GRIN2A: variants seen among roughly 807,000 people sequenced by gnomAD.
GRIN2A encodes glutamate receptor ionotropic, NMDA 2A.
GRIN2A carries 22 observed loss-of-function variants against 113.4 expected under a neutral mutation model. The ratio of observed to expected loss-of-function variants is 0.19; its 90% CI spans 0.14 to 0.28. GRIN2A has a LOEUF of 0.28. Ranked by LOEUF, GRIN2A falls within the 10% of genes least tolerant of loss-of-function variation. The pLI is 1.00. For synonymous variants in GRIN2A, 827 were observed against 738.4 expected (o/e 1.12, Z -1.94); for missense variants, 1,502 against 1,887.0 (o/e 0.80, Z 3.78).
At chr16:10,100,570 G>C (rs2048374605) in intron 2 of GRIN2A, among the ~76,000 whole-genome samples, 1 of 152,184 alleles carries the variant, frequency 6.6e-6, no homozygotes, top group Non-Finnish European at 1.5e-5. Flanking sequence ...ACATCCTGAT[G>C]ATTCAATAAA....
chr16:9,816,828 C>T (rs1344652862), intron 10 of GRIN2A, among the ~76,000 whole-genome samples: 3 of 152,158 alleles, frequency 2.0e-5, no homozygotes, highest in Non-Finnish European at 2.9e-5. Flanking sequence ...CAGTGGGGCT[C>T]AGCAATCTAC....
At chr16:9,858,375 T>C (rs996100198) in intron 4 of GRIN2A, among the ~76,000 whole-genome samples, 5 of 152,070 alleles carry the variant, frequency 3.3e-5, no homozygotes, top group African/African-American at 1.2e-4. Flanking sequence ...AGGGAAATAC[T>C]TTTTTATCTC....
intron 2 of GRIN2A, among the ~76,000 whole-genome samples, chr16:10,039,813 A>AGAGAGAGAGAGAGAGAGAGAGAGAG (rs1555469303): frequency 3.8e-4 from 28 of 73,576 alleles, no homozygotes; most frequent in Non-Finnish European, 6.1e-4. Context: ...GGGGGGGAGA[A>AGAGAGAGAGAGAGAGAGAGAGAGAG]AGAGAGAGAG....
At chr16:10,164,288 G>A (rs893334057) in intron 2 of GRIN2A, among the ~76,000 whole-genome samples, 10 of 152,252 alleles carry the variant, frequency 6.6e-5, no homozygotes, top group Admixed American at 6.5e-4. Flanking sequence ...TCTGTAAGTG[G>A]CACGGACACT....
At chr16:10,076,640 G>A (rs13331168) in intron 2 of GRIN2A, among the ~76,000 whole-genome samples, 2 of 152,022 alleles carry the variant, frequency 1.3e-5, no homozygotes, top group Admixed American at 6.5e-5. Context: ...ACACAAGGAG[G>A]AAAAGACCCA....
intron 2 of GRIN2A, among the ~76,000 whole-genome samples, chr16:10,017,794 T>G (rs2046638621): frequency 6.6e-6 from 1 of 151,446 alleles, no homozygotes; most frequent in African/African-American, 2.4e-5. Flanking sequence ...TAATATGATA[T>G]TTTTACAAAT....
At chr16:9,972,012 G>A (rs1306132022) in intron 2 of GRIN2A, among the ~76,000 whole-genome samples, 4 of 152,010 alleles carry the variant, frequency 2.6e-5, no homozygotes. Flanking sequence ...GGCCTGAGGA[G>A]GTGGAAGTTA....
chr16:9,764,526 C>A lies in GRIN2A; in HGVS notation c.3018G>T (p.Ala1006=). Residue 1006 remains alanine (A), a synonymous_variant, in exon 13 of 13, where the codon GCG becomes GCT. Transcript: ENST00000330684. ...VEVAVSTESK[A]NSRPRQLWKK... is the part of the protein sequence containing the mutation. ...TCCACAGCTGCCGGGGTCTAGAGTT[C>A]GCTTTGGATTCTGTGCTCACGGCCA... The A allele has an allele frequency of 6.2e-7, 1 of 1,613,966 alleles. No homozygotes were observed. Among genetic ancestry groups the A allele is most frequent in the Non-Finnish European group, 8.5e-7 (1 of 1,179,986 alleles).
intron 3 of GRIN2A, among the ~76,000 whole-genome samples, chr16:9,898,513 C>T (rs34764457): frequency 0.29 from 44,690 of 152,038 alleles, 7,727 homozygotes; most frequent in African/African-American, 0.48. Context: ...ATTTATTATT[C>T]ACTATTTCCC....
At chr16:10,007,981 C>G (rs778748007) in intron 2 of GRIN2A, among the ~76,000 whole-genome samples, 1 of 152,132 alleles carries the variant, frequency 6.6e-6, no homozygotes, top group South Asian at 2.1e-4. Flanking sequence ...CTATAAGATA[C>G]AAGTAGTATT....
At chr16:9,888,204 G>A (rs916554807) in intron 4 of GRIN2A, among the ~76,000 whole-genome samples, 1 of 152,146 alleles carries the variant, frequency 6.6e-6, no homozygotes, top group Non-Finnish European at 1.5e-5. Context: ...GCCTCCCAAA[G>A]TGTTGGAATT....
chr16:10,164,651 T>A (rs943267578), intron 2 of GRIN2A, among the ~76,000 whole-genome samples: 1 of 152,226 alleles, frequency 6.6e-6, no homozygotes, highest in African/African-American at 2.4e-5. Context: ...TGAATAATCA[T>A]AGAACTCCCC....
intron 2 of GRIN2A, among the ~76,000 whole-genome samples, chr16:10,045,121 T>C (rs1470154967): frequency 6.6e-6 from 1 of 152,182 alleles, no homozygotes; most frequent in Non-Finnish European, 1.5e-5. Flanking sequence ...TTCTTCAAGT[T>C]GGTGACAGTT....
At chr16:9,977,908 AG>A (rs2045807859) in intron 2 of GRIN2A, among the ~76,000 whole-genome samples, 1 of 152,238 alleles carries the variant, frequency 6.6e-6, no homozygotes, top group South Asian at 2.1e-4. Flanking sequence ...CTTTTTAATT[AG>A]GTCAACCCTG....
chr16:9,781,455 G>T (rs1901931589), intron 11 of GRIN2A, among the ~76,000 whole-genome samples: 3 of 152,080 alleles, frequency 2.0e-5, no homozygotes, highest in Admixed American at 1.3e-4. Context: ...CAACCTCCCA[G>T]GCTCAAGTGA....
chr16:10,001,736 T>C (rs1050946855), intron 2 of GRIN2A, among the ~76,000 whole-genome samples: 3 of 152,174 alleles, frequency 2.0e-5, no homozygotes, highest in Non-Finnish European at 4.4e-5. Flanking sequence ...CTGAGTCACA[T>C]GGCCTGCTTT....
intron 3 of GRIN2A, among the ~76,000 whole-genome samples, chr16:9,891,826 G>C (rs1304702904): frequency 1.3e-5 from 2 of 152,220 alleles, no homozygotes; most frequent in African/African-American, 2.4e-5. Context: ...GCAGACCAGA[G>C]AGGCTGAAGC....
chr16:9,848,059 T>TATATATTTTATATATAAAC (rs2042808229), intron 5 of GRIN2A, among the ~76,000 whole-genome samples: 1 of 146,988 alleles, frequency 6.8e-6, no homozygotes, highest in Non-Finnish European at 1.5e-5. Context: ...AACATATAAA[T>TATATATTTTATATATAAAC]ATATATTTTA....
intron 2 of GRIN2A, among the ~76,000 whole-genome samples, chr16:10,152,372 GCT>G (rs1263606317): frequency 2.0e-5 from 3 of 152,198 alleles, no homozygotes; most frequent in Non-Finnish European, 2.9e-5. Context: ...GGCTGGAGAA[GCT>G]CATGGAAATG....
Sources: allele counts gnomAD v4.1 joint callset (sites outside exome capture counted in the v4.1 genomes callset), GRCh38; gene constraint gnomAD v4.1.1; transcripts MANE v1.5; gene names NCBI Gene and HGNC (gene_info 2026-07-23, HGNC 2026-07-21).